DLGAP4: variants seen among roughly 807,000 people sequenced by gnomAD.
The protein encoded by DLGAP4 is DLG associated protein 4.
DLGAP4 carries 18 observed loss-of-function variants against 86.9 expected under a neutral mutation model. The ratio of observed to expected loss-of-function variants is 0.21; its 90% CI spans 0.14 to 0.31. The LOEUF (loss-of-function observed/expected upper bound fraction) is 0.31. Among genes scored for constraint, DLGAP4 ranks in the 10% least tolerant of loss-of-function variants. DLGAP4 has a pLI of 1.00. For synonymous variants in DLGAP4, 548 were observed against 574.3 expected (o/e 0.95, Z 0.65); for missense variants, 1,085 against 1,362.6 (o/e 0.80, Z 3.21).
At chr20:36,461,955 G>A in intron 7 of DLGAP4, 1 of 984,506 alleles carries the variant, frequency 1.0e-6, no homozygotes, top group African/African-American at 1.8e-5. Flanking sequence ...CTTTCTGGGC[G>A]ACCCCACTCT....
At chr20:36,491,975 GTGGTCAGTGCTC>G (rs2035684126) in intron 7 of DLGAP4, among the ~76,000 whole-genome samples, 1 of 152,226 alleles carries the variant, frequency 6.6e-6, no homozygotes, top group Non-Finnish European at 1.5e-5. Context: ...GTGGACTGAT[GTGGTCAGTGCTC>G]TGATGGAGAT....
chr20:36,443,049 C>T (rs1186358867), intron 6 of DLGAP4, among the ~76,000 whole-genome samples: 1 of 152,204 alleles, frequency 6.6e-6, no homozygotes, highest in Non-Finnish European at 1.5e-5. Flanking sequence ...CAAGAAACAA[C>T]TCCAGGACTC....
chr20:36,334,447 G>A (rs535405397), intron 1 of DLGAP4, among the ~76,000 whole-genome samples: 219 of 152,284 alleles, frequency 1.4e-3, no homozygotes, highest in Non-Finnish European at 2.6e-3. Flanking sequence ...GAGGTCTGAG[G>A]GGCATAGCAG....
chr20:36,484,972 A>G (rs1366984916), intron 7 of DLGAP4, among the ~76,000 whole-genome samples: 2 of 152,248 alleles, frequency 1.3e-5, no homozygotes, highest in African/African-American at 4.8e-5. Flanking sequence ...TATAATAGAT[A>G]TACATATTTT....
intron 1 of DLGAP4, among the ~76,000 whole-genome samples, chr20:36,338,935 G>A (rs1314517421): frequency 3.9e-5 from 6 of 152,210 alleles, no homozygotes; most frequent in African/African-American, 1.4e-4. Flanking sequence ...AAGCATGAAG[G>A]CCTGGGAACA....
At chr20:36,395,336 G>GA (rs1179029464) in intron 2 of DLGAP4, among the ~76,000 whole-genome samples, 2 of 152,168 alleles carry the variant, frequency 1.3e-5, no homozygotes, top group African/African-American at 4.8e-5. Context: ...TGGGGGCAAG[G>GA]ACTGTCTTCT....
At chr20:36,461,611 C>T (rs2034056059) in intron 7 of DLGAP4, 1 of 948,724 alleles carries the variant, frequency 1.1e-6, no homozygotes, top group Admixed American at 6.4e-5. Flanking sequence ...CCGGGGCCCG[C>T]CCAGCGCCGC....
At chr20:36,363,580 G>A (rs1249789177) in intron 1 of DLGAP4, among the ~76,000 whole-genome samples, 1 of 152,168 alleles carries the variant, frequency 6.6e-6, no homozygotes, top group African/African-American at 2.4e-5. Flanking sequence ...GGCCTGAGTG[G>A]CTGGAAGGGC....
chr20:36,456,215 G>A (rs1385137173), intron 7 of DLGAP4, among the ~76,000 whole-genome samples: 1 of 152,208 alleles, frequency 6.6e-6, no homozygotes, highest in African/African-American at 2.4e-5. Context: ...TAGGGAAGAT[G>A]ATTATCTATC....
intron 10 of DLGAP4, 37 bp from the exon 11 acceptor site, chr20:36,524,213 G>A (rs764671557): frequency 7.7e-6 from 12 of 1,563,396 alleles, no homozygotes; most frequent in East Asian, 2.2e-5. Flanking sequence ...ACCCTGTGCT[G>A]TGCTAAATCA....
chr20:36,383,395 G>A (rs899329705), intron 2 of DLGAP4, among the ~76,000 whole-genome samples: 9 of 152,152 alleles, frequency 5.9e-5, no homozygotes, highest in African/African-American at 2.2e-4. Context: ...ACTGTCTTGA[G>A]AACAGGGCAA....
intron 2 of DLGAP4, among the ~76,000 whole-genome samples, chr20:36,374,922 A>G (rs1424958419): frequency 6.6e-6 from 1 of 152,248 alleles, no homozygotes; most frequent in Non-Finnish European, 1.5e-5. Context: ...CAAGATGAGG[A>G]AGCCCTGGAT....
chr20:36,500,615 G>T lies in DLGAP4; in HGVS notation c.2512+4G>T. 6.7e-7 allele frequency: 1 copy of T among 1,486,034 alleles called. No individual in the cohort carries two copies. The highest frequency in any genetic ancestry group is 8.9e-7 in the Non-Finnish European group (1 of 1,117,736). 92.1% of individuals were successfully genotyped at this position (1,486,034 alleles called of 1,614,324 possible). On this transcript the variant is annotated splice_donor_region_variant and intron_variant, in intron 10 of 12. Coordinates refer to ENST00000339266, the MANE Select transcript of DLGAP4 (RefSeq NM_001365621.2). The surrounding 1 kb of genome is among the most constrained non-coding windows in gnomAD (Gnocchi z 4.6). ...GAGAACAACCTCTCTGAAGAAGGTG[G>T]GTGCCACATGGATGGTCCTTGGGCA...
intron 1 of DLGAP4, among the ~76,000 whole-genome samples, chr20:36,317,327 TC>T (rs1200252204): frequency 0.41 from 128 of 316 alleles, 9 homozygotes; most frequent in African/African-American, 0.49. Flanking sequence ...CTTCCTTCCT[TC>T]CTCTTTCTCT....
chr20:36,460,207 T>C (rs1458058258), intron 7 of DLGAP4, among the ~76,000 whole-genome samples: 3 of 152,234 alleles, frequency 2.0e-5, no homozygotes, highest in African/African-American at 7.2e-5. Flanking sequence ...GGCTCACGCC[T>C]GTAATCTCAA....
chr20:36,497,553 G>T (rs2035942491), intron 8 of DLGAP4: 1 of 989,490 alleles, frequency 1.0e-6, no homozygotes, highest in African/African-American at 1.7e-5. Flanking sequence ...GAGCCATGGG[G>T]GTTGCTCGAG....
chr20:36,367,514 G>A (rs2147414369), intron 2 of DLGAP4, among the ~76,000 whole-genome samples: 1 of 152,338 alleles, frequency 6.6e-6, no homozygotes, highest in Non-Finnish European at 1.5e-5. Flanking sequence ...GCCTCAGAGA[G>A]GGGAAGCCAC....
intron 10 of DLGAP4, among the ~76,000 whole-genome samples, chr20:36,516,668 GAAA>G (rs747235286): frequency 1.3e-5 from 1 of 77,080 alleles, no homozygotes. Flanking sequence ...TCCGTCTCAG[GAAA>G]AAAAAAAAAA....
intron 2 of DLGAP4, among the ~76,000 whole-genome samples, chr20:36,402,755 T>G (rs995835856): frequency 1.3e-5 from 2 of 152,168 alleles, no homozygotes; most frequent in African/African-American, 2.4e-5. Context: ...AAAAAAATTT[T>G]TTTTTATTAA....
Sources: allele counts gnomAD v4.1 joint callset (sites outside exome capture counted in the v4.1 genomes callset), GRCh38; gene constraint gnomAD v4.1.1; non-coding constraint Gnocchi (gnomAD v3.1); transcripts MANE v1.5; gene names NCBI Gene and HGNC (gene_info 2026-07-23, HGNC 2026-07-21).